The following RGL1 variants were observed in gnomAD, a reference collection of about 807,000 sequenced individuals.
RGL1 encodes ral guanine nucleotide dissociation stimulator like 1.
In RGL1, 24 loss-of-function variants were observed where a neutral mutation model predicts 95.2. The observed-to-expected ratio is 0.25, with a 90% CI of 0.18 to 0.35. RGL1 has a LOEUF of 0.35. RGL1 is among the 10% of genes least tolerant of loss of function. The pLI, the probability that RGL1 is intolerant of heterozygous loss-of-function variation, is 1.00. For synonymous variants in RGL1, 329 were observed against 344.9 expected (o/e 0.95, Z 0.51); for missense variants, 715 against 936.3 (o/e 0.76, Z 3.08).
rs543252628 is a variant in RGL1 at position 183,831,695 on chromosome 1, T to C, written c.139-15871T>C. On this transcript the variant is annotated intron_variant, in intron 2 of 17. Coordinates refer to ENST00000360851, the MANE Select transcript of RGL1 (RefSeq NM_001297671.3). ...AAAGGTTATTTAGGGACTATAATAA[T>C]GTCACTAGATAGATTCATTACATTA... Among the ~76,000 whole-genome samples the C allele has an allele frequency of 2.0e-5, 3 of 152,340 alleles. No individual in the cohort carries two copies. In the South Asian group the frequency reaches 6.2e-4, roughly 32 times the overall value.
intron 1 of RGL1, among the ~76,000 whole-genome samples, chr1:183,654,340 C>CT (rs1650987341): frequency 1.3e-5 from 2 of 152,306 alleles, no homozygotes; most frequent in African/African-American, 4.8e-5. Context: ...TGGGTCATCC[C>CT]TTTTTTCTCA....
chr1:183,806,528 T>G (rs1421790501), intron 2 of RGL1, 43 bp downstream of exon 2: 2 of 1,315,426 alleles, frequency 1.5e-6, no homozygotes, highest in East Asian at 4.6e-5. Flanking sequence ...AATTTCAGTG[T>G]CTGTCGTTCT....
At chr1:183,784,578 T>C (rs1231969617) in intron 2 of RGL1, among the ~76,000 whole-genome samples, 1 of 152,210 alleles carries the variant, frequency 6.6e-6, no homozygotes, top group East Asian at 1.9e-4. Flanking sequence ...AGTCTTTTAA[T>C]GCCTTCTGCT....
intron 4 of RGL1, among the ~76,000 whole-genome samples, chr1:183,878,491 C>T (rs1666648869): frequency 1.3e-5 from 2 of 152,124 alleles, no homozygotes; most frequent in African/African-American, 4.8e-5. Context: ...AGCCACCACA[C>T]CTGGCACATA....
chr1:183,822,610 A>G (rs773971484), intron 2 of RGL1, among the ~76,000 whole-genome samples: 17 of 152,186 alleles, frequency 1.1e-4, no homozygotes, highest in Non-Finnish European at 2.2e-4. Flanking sequence ...GTAGACGAAA[A>G]GTACTATGAC....
intron 2 of RGL1, among the ~76,000 whole-genome samples, chr1:183,768,708 C>A (rs1389259410): frequency 6.6e-6 from 1 of 152,100 alleles, no homozygotes; most frequent in African/African-American, 2.4e-5. Context: ...ATGGGTTCAA[C>A]TTATCCTCCT....
intron 2 of RGL1, among the ~76,000 whole-genome samples, chr1:183,807,255 C>T (rs942930069): frequency 6.6e-6 from 1 of 152,118 alleles, no homozygotes; most frequent in African/African-American, 2.4e-5. Context: ...GATTCTTGAT[C>T]TGGAAGGAGA....
At chr1:183,810,655 A>G (rs1661645241) in intron 2 of RGL1, among the ~76,000 whole-genome samples, 1 of 152,242 alleles carries the variant, frequency 6.6e-6, no homozygotes, top group Non-Finnish European at 1.5e-5. Flanking sequence ...GGACTGTGGT[A>G]AGATAACCAT....
chr1:183,922,524 C>T (rs1296293405), intron 17 of RGL1, among the ~76,000 whole-genome samples, 188 bp downstream of exon 17: 1 of 152,220 alleles, frequency 6.6e-6, no homozygotes, highest in Non-Finnish European at 1.5e-5. Flanking sequence ...GTATCTCAAA[C>T]CGCTCTCCGA....
At chr1:183,684,598 C>T (rs768598542) in intron 1 of RGL1, among the ~76,000 whole-genome samples, 1 of 152,106 alleles carries the variant, frequency 6.6e-6, no homozygotes, top group African/African-American at 2.4e-5. Context: ...GGGAGTGAAC[C>T]GTTCTGTCTC....
intron 1 of RGL1, among the ~76,000 whole-genome samples, chr1:183,672,406 TTC>T (rs1221651444): frequency 6.6e-6 from 1 of 152,214 alleles, no homozygotes; most frequent in Non-Finnish European, 1.5e-5. Flanking sequence ...ATAAAAATAT[TTC>T]TCTCTTTTCC....
At chr1:183,701,081 G>T (rs940617690) in intron 1 of RGL1, among the ~76,000 whole-genome samples, 2 of 152,172 alleles carry the variant, frequency 1.3e-5, no homozygotes, top group Non-Finnish European at 1.5e-5. Flanking sequence ...CAAAGGACAT[G>T]AATTCATTCT....
At chr1:183,640,881 G>C (rs1173914045) in intron 1 of RGL1, among the ~76,000 whole-genome samples, 1 of 152,154 alleles carries the variant, frequency 6.6e-6, no homozygotes, top group African/African-American at 2.4e-5. Flanking sequence ...TATTTCACCA[G>C]TTGACATTAT....
At position 183,763,269 on chromosome 1, in the gene RGL1, A is replaced by G. The variant is rs1313284555; in HGVS notation, c.132+20980A>G. The stretch of plus-strand genomic sequence containing the variant: ...TGGGGACTAGGGGAGAAATAGCATT[A>G]GGAGAAATACCTAATGTAGATGACG... On this transcript the variant is annotated intron_variant, in intron 2 of 18. Coordinates refer to the RGL1 transcript ENST00000304685. Among the ~76,000 whole-genome samples, 5 of 152,222 alleles carry G rather than the reference A, an allele frequency of 3.3e-5. No homozygotes were observed. The South Asian group carries it at 6.2e-4, about 19-fold the overall frequency.
intron 2 of RGL1, among the ~76,000 whole-genome samples, chr1:183,778,452 T>A (rs970782007): frequency 6.6e-5 from 10 of 152,232 alleles, no homozygotes; most frequent in African/African-American, 2.2e-4. Flanking sequence ...TGGGGAAAAC[T>A]GTATACTATG....
intron 2 of RGL1, among the ~76,000 whole-genome samples, chr1:183,814,672 T>C (rs1451926166): frequency 6.6e-6 from 1 of 152,210 alleles, no homozygotes; most frequent in Non-Finnish European, 1.5e-5. Flanking sequence ...GCTGAGTATT[T>C]CCAGTTTCTT....
At chr1:183,909,358 C>T (rs936632735) in intron 14 of RGL1, among the ~76,000 whole-genome samples, 2 of 152,114 alleles carry the variant, frequency 1.3e-5, no homozygotes, top group African/African-American at 4.8e-5. Context: ...TACTACTGAG[C>T]CAGAATGAAC....
chr1:183,843,570 C>T lies in RGL1; in HGVS notation c.139-3996C>T, dbSNP rs573951396. ...TTCTCTGTGTTTGAATTTTGGGACACGTCAATACTCGGTGAAAAAATAGTT... is the reference window on the plus strand; with the variant it reads ...TTCTCTGTGTTTGAATTTTGGGACATGTCAATACTCGGTGAAAAAATAGTT... On this transcript the variant is annotated intron_variant, in intron 2 of 17. Coordinates refer to ENST00000360851, the MANE Select transcript of RGL1 (RefSeq NM_001297671.3). 1.2e-4 allele frequency among the ~76,000 whole-genome samples: 19 copies of T among 152,232 alleles called. No individual in the cohort carries two copies. In the South Asian group the frequency reaches 2.7e-3, roughly 22 times the overall value.
At chr1:183,805,425 A>G (rs757454237) in intron 1 of RGL1, 101 bp downstream of exon 1, 9 of 973,526 alleles carry the variant, frequency 9.2e-6, no homozygotes, top group Non-Finnish European at 1.3e-5. Context: ...GAACGGAGCA[A>G]TCCGATTCCA....
Sources: allele counts gnomAD v4.1 joint callset (sites outside exome capture counted in the v4.1 genomes callset), GRCh38; gene constraint gnomAD v4.1.1; transcripts MANE v1.5; gene names NCBI Gene and HGNC (gene_info 2026-07-23, HGNC 2026-07-21).